The following RANBP17 variants were observed in gnomAD, a reference collection of about 807,000 sequenced individuals.
RANBP17 encodes the protein ran-binding protein 17.
A neutral mutation model predicts 141.2 loss-of-function variants in RANBP17; 158 were observed. That is an observed-to-expected ratio of 1.12 (90% CI 0.98 to 1.28). The LOEUF (loss-of-function observed/expected upper bound fraction) is 1.28, where lower values mean the gene tolerates loss of function less well. RANBP17 is among the 50% of genes most tolerant of loss of function. The probability of loss-of-function intolerance (pLI) is 0.00; values close to 1 mark genes in which losing one functional copy is unlikely to be tolerated. For missense variants in RANBP17, 1,438 were observed against 1,290.7 expected (o/e 1.11, Z -1.75); for synonymous variants, 430 against 450.0 (o/e 0.96, Z 0.56).
intron 4 of RANBP17, 123 bp from the exon 5 acceptor site, chr5:170,895,927 C>T (rs1219855598): frequency 2.0e-5 from 9 of 460,952 alleles, no homozygotes; most frequent in South Asian, 1.7e-4. Context: ...ATTTTGTTTC[C>T]ATTTTATTAT....
intron 14 of RANBP17, among the ~76,000 whole-genome samples, chr5:170,985,149 GCACA>G: frequency 6.7e-6 from 1 of 149,828 alleles, no homozygotes; most frequent in Non-Finnish European, 1.5e-5. Flanking sequence ...ACACACAAAT[GCACA>G]CACAGACACA....
At chr5:171,105,111 G>A (rs552539387) in intron 14 of RANBP17, among the ~76,000 whole-genome samples, 107 of 151,962 alleles carry the variant, frequency 7.0e-4, no homozygotes, top group African/African-American at 2.4e-3. Flanking sequence ...AGCCGGGCGC[G>A]GTGGCTCACG....
chr5:171,041,656 T>C (rs1782256707), intron 14 of RANBP17, among the ~76,000 whole-genome samples: 1 of 152,158 alleles, frequency 6.6e-6, no homozygotes, highest in African/African-American at 2.4e-5. Flanking sequence ...CTATACTGAA[T>C]ACTGTAAACA....
At chr5:171,145,936 T>C (rs1309830936) in intron 14 of RANBP17, among the ~76,000 whole-genome samples, 3 of 152,200 alleles carry the variant, frequency 2.0e-5, no homozygotes, top group African/African-American at 7.2e-5. Flanking sequence ...ATATTGTGTG[T>C]AATAGGCCCC....
chr5:170,872,474 G>A lies in RANBP17; in HGVS notation c.19-5623G>A, dbSNP rs959700399. Among the ~76,000 whole-genome samples the A allele has an allele frequency of 9.2e-5, 14 of 152,074 alleles. 1 individual carries two copies. Among genetic ancestry groups the A allele is most frequent in the South Asian group, 6.2e-4 (3 of 4,830 alleles). ...TTGTCTGCAGAGATGATTTGACTTC[G>A]TCTCTTCCTATTTGAATACCCTTTA... is the stretch of plus-strand genomic sequence containing the variant. On this transcript the variant is annotated intron_variant, in intron 1 of 27. Transcript: ENST00000523189.
chr5:170,862,038 C>T lies in RANBP17; in HGVS notation c.5C>T (p.Ala2Val), dbSNP rs1263489711. 5 of 1,462,806 alleles carry T rather than the reference C, an allele frequency of 3.4e-6. No homozygotes were observed. The highest frequency in any genetic ancestry group is 3.0e-5 in the East Asian group (1 of 32,988). 90.6% of individuals were successfully genotyped at this position (1,462,806 alleles called of 1,614,324 possible). The change falls in exon 1 of 28, where the codon GCG becomes GTG. Residue 2 changes from alanine (A) to valine (V), a missense_variant. Ala to Val is a moderately conservative substitution (Grantham distance 64). Coordinates refer to ENST00000523189, the MANE Select transcript of RANBP17 (RefSeq NM_022897.5). M[A>V]LHFQSLAELE... ...CCGGCGCCGCCTCCTGGGAAGATGG[C>T]GCTGCACTTCCAGGTCAGTGTGCTC...
At chr5:171,176,682 A>T (rs1760505432) in intron 16 of RANBP17, among the ~76,000 whole-genome samples, 1 of 152,246 alleles carries the variant, frequency 6.6e-6, no homozygotes, top group Admixed American at 6.5e-5. Flanking sequence ...CACATTAAAA[A>T]TAATGTGGGT....
intron 14 of RANBP17, among the ~76,000 whole-genome samples, chr5:170,986,792 C>CTTTCCCTGCAATTG (rs1778173230): frequency 6.6e-6 from 1 of 151,866 alleles, no homozygotes; most frequent in Non-Finnish European, 1.5e-5. Context: ...AGATGGCATT[C>CTTTCCCTGCAATTG]TTTCCCTGCA....
rs562844907 is a variant in RANBP17 at position 171,246,194 on chromosome 5, T to C, written c.2776+3374T>C. ...CCGCACCCGGCCTTTTCTCATACTT[T>C]TATAAGTCACTGTTCAGACAAACAC... On this transcript the variant is annotated intron_variant, in intron 24 of 27. Coordinates refer to ENST00000523189, the MANE Select transcript of RANBP17 (RefSeq NM_022897.5). 2.6e-5 allele frequency among the ~76,000 whole-genome samples: 4 copies of C among 152,314 alleles called. No homozygotes were observed. The South Asian group carries it at 8.3e-4, about 32-fold the overall frequency.
chr5:171,158,328 C>T, intron 14 of RANBP17: 1 of 183,598 alleles, frequency 5.4e-6, no homozygotes, highest in South Asian at 2.0e-4. Flanking sequence ...TTTTGTTTTC[C>T]CCTAGGCCTT....
At chr5:171,137,082 T>C (rs1477463018) in intron 14 of RANBP17, among the ~76,000 whole-genome samples, 1 of 152,212 alleles carries the variant, frequency 6.6e-6, no homozygotes, top group Non-Finnish European at 1.5e-5. Context: ...AGTAGCATCC[T>C]AAAGAGAGAA....
At chr5:171,068,379 T>C (rs1784432170) in intron 14 of RANBP17, among the ~76,000 whole-genome samples, 1 of 152,174 alleles carries the variant, frequency 6.6e-6, no homozygotes, top group Non-Finnish European at 1.5e-5. Context: ...CTTTGTCTAG[T>C]AAATCCAATG....
At chr5:171,056,115 G>C (rs755116704) in intron 14 of RANBP17, among the ~76,000 whole-genome samples, 1 of 151,984 alleles carries the variant, frequency 6.6e-6, no homozygotes. Context: ...ACAAAGAATT[G>C]GTAACATTTT....
At chr5:170,969,094 A>G (rs774773913) in intron 14 of RANBP17, among the ~76,000 whole-genome samples, 21 of 151,562 alleles carry the variant, frequency 1.4e-4, no homozygotes, top group South Asian at 4.1e-4. Flanking sequence ...AACTTTTTAT[A>G]CTCATTTTAG....
intron 18 of RANBP17, among the ~76,000 whole-genome samples, chr5:171,186,526 C>CCTTTTTTTTTT (rs1554112838): frequency 2.4e-5 from 1 of 41,652 alleles, no homozygotes; most frequent in Admixed American, 4.4e-4. Flanking sequence ...GTATGATTTT[C>CCTTTTTTTTTT]TTTTTTTTTT....
intron 14 of RANBP17, among the ~76,000 whole-genome samples, chr5:171,028,586 G>A (rs923732091): frequency 6.6e-6 from 1 of 152,068 alleles, no homozygotes; most frequent in African/African-American, 2.4e-5. Flanking sequence ...GTCCAAAAAA[G>A]CAATCTTTTG....
chr5:171,138,032 C>T (rs1757437477), intron 14 of RANBP17, among the ~76,000 whole-genome samples: 1 of 151,342 alleles, frequency 6.6e-6, no homozygotes, highest in African/African-American at 2.4e-5. Context: ...ACTAAGTATT[C>T]AAAAGTCAGT....
intron 14 of RANBP17, among the ~76,000 whole-genome samples, chr5:171,069,302 C>G (rs1784499098): frequency 6.6e-6 from 1 of 152,186 alleles, no homozygotes; most frequent in Non-Finnish European, 1.5e-5. Context: ...TTGGGCCTTT[C>G]TCCCCTCACT....
intron 9 of RANBP17, chr5:170,918,426 A>T (rs1433076731): frequency 4.3e-6 from 1 of 231,252 alleles, no homozygotes; most frequent in East Asian, 1.0e-4. Flanking sequence ...ACACACACAC[A>T]CAACTTTTGT....
Sources: allele counts gnomAD v4.1 joint callset (sites outside exome capture counted in the v4.1 genomes callset), GRCh38; gene constraint gnomAD v4.1.1; transcripts MANE v1.5; gene names NCBI Gene and HGNC (gene_info 2026-07-23, HGNC 2026-07-21).